Variants in LCLAT1 observed in about 807,000 individuals in gnomAD.
LCLAT1 encodes lysocardiolipin acyltransferase 1.
Under a neutral mutation model 30.7 loss-of-function variants are expected in LCLAT1, and 11 were observed. That is an observed-to-expected ratio of 0.36 (90% CI 0.23 to 0.59). LCLAT1 has a LOEUF of 0.59. LCLAT1 is among the 20% of genes least tolerant of loss of function. LCLAT1 has a pLI of 0.77. For missense variants in LCLAT1, 402 were observed against 458.6 expected, an observed-to-expected ratio of 0.88 and a Z score of 1.13; for synonymous variants, 155 against 151.3, an observed-to-expected ratio of 1.02 and a Z score of -0.18.
rs1364231473 is a variant in LCLAT1 at position 30,643,948 on chromosome 2, T to C, written c.*3329T>C. 1 of 152,628 alleles carries C rather than the reference T, an allele frequency of 6.6e-6. No individual in the cohort carries two copies. Among genetic ancestry groups the C allele is most frequent in the Non-Finnish European group, 1.5e-5 (1 of 68,040 alleles). The allele number at this position is 152,628 out of a possible 1,614,324, so 9.5% of individuals were successfully genotyped here. A position where few individuals can be genotyped will look rare whatever the true frequency, so the allele number is the denominator to read the frequency against. ...GCTGAGGTAGTGGTTGCCTTAGAGC[T>C]GTTATTTATGCTGTAGAAAACGAAA... is the stretch of plus-strand genomic sequence containing the variant. On this transcript the variant is annotated 3_prime_UTR_variant, in exon 6 of 6. Transcript: ENST00000379509.
At chr2:30,525,994 A>G (rs777623469) in intron 2 of LCLAT1, among the ~76,000 whole-genome samples, 6 of 152,196 alleles carry the variant, frequency 3.9e-5, no homozygotes, top group Non-Finnish European at 7.3e-5. Context: ...GGGAAAAAAA[A>G]TCTGTGCATC....
chr2:30,619,101 A>G (rs1463847075), intron 5 of LCLAT1, among the ~76,000 whole-genome samples: 2 of 152,206 alleles, frequency 1.3e-5, no homozygotes, highest in Non-Finnish European at 2.9e-5. Context: ...TTTCAAACAC[A>G]TCTTCCTACG....
chr2:30,596,260 A>T (rs559200332), intron 5 of LCLAT1, among the ~76,000 whole-genome samples: 3 of 152,186 alleles, frequency 2.0e-5, no homozygotes, highest in Non-Finnish European at 4.4e-5. Flanking sequence ...TCCCACCAAC[A>T]ATGTAAAAGC....
intron 5 of LCLAT1, among the ~76,000 whole-genome samples, chr2:30,582,292 A>G (rs970836911): frequency 6.6e-6 from 1 of 152,104 alleles, no homozygotes; most frequent in African/African-American, 2.4e-5. Flanking sequence ...ATATACTTCA[A>G]TCAAATTGTA....
intron 5 of LCLAT1, among the ~76,000 whole-genome samples, chr2:30,628,703 A>T (rs1668628767): frequency 6.6e-6 from 1 of 152,294 alleles, no homozygotes; most frequent in South Asian, 2.1e-4. Flanking sequence ...CCAACTTGGT[A>T]TTTCAGTACA....
chr2:30,568,596 C>T (rs1340096350), intron 5 of LCLAT1, among the ~76,000 whole-genome samples: 1 of 146,880 alleles, frequency 6.8e-6, no homozygotes, highest in Non-Finnish European at 1.5e-5. Flanking sequence ...CAAGCTCTGC[C>T]TCCCAGGTTC....
At chr2:30,468,221 G>A (rs1268920090) in intron 1 of LCLAT1, among the ~76,000 whole-genome samples, 1 of 152,162 alleles carries the variant, frequency 6.6e-6, no homozygotes, top group Non-Finnish European at 1.5e-5. Flanking sequence ...CCCATTTCTT[G>A]TTTTTGTTAG....
At chr2:30,518,778 C>G (rs990879118) in intron 1 of LCLAT1, among the ~76,000 whole-genome samples, 1 of 152,182 alleles carries the variant, frequency 6.6e-6, no homozygotes, top group Non-Finnish European at 1.5e-5. Context: ...TCCTGACTCT[C>G]AATTCTTGTT....
chr2:30,527,453 C>G (rs561613676), intron 2 of LCLAT1, among the ~76,000 whole-genome samples: 1 of 152,302 alleles, frequency 6.6e-6, no homozygotes, highest in South Asian at 2.1e-4. Flanking sequence ...TTTGTTGAAT[C>G]TTTCTGCCAA....
At chr2:30,522,599 A>G (rs1054488404) in intron 1 of LCLAT1, among the ~76,000 whole-genome samples, 16 of 152,238 alleles carry the variant, frequency 1.1e-4, no homozygotes, top group Non-Finnish European at 2.1e-4. Context: ...GATGACTAAC[A>G]TAGTGCCTGG....
chr2:30,621,328 G>A (rs1456689152), intron 5 of LCLAT1, among the ~76,000 whole-genome samples: 6 of 152,212 alleles, frequency 3.9e-5, no homozygotes, highest in South Asian at 2.1e-4. Flanking sequence ...CCCATGTGAC[G>A]TATTTATTAG....
chr2:30,634,853 G>A (rs1668948388), intron 5 of LCLAT1, among the ~76,000 whole-genome samples: 1 of 152,172 alleles, frequency 6.6e-6, no homozygotes, highest in Non-Finnish European at 1.5e-5. Flanking sequence ...TTTCATTATT[G>A]TCAGTTTCAT....
chr2:30,521,188 C>T (rs1477704162), intron 1 of LCLAT1, among the ~76,000 whole-genome samples: 3 of 152,198 alleles, frequency 2.0e-5, no homozygotes, highest in Non-Finnish European at 4.4e-5. Context: ...CAAGAAGTTA[C>T]CCTATAAGGT....
chr2:30,558,297 A>C (rs1334748631), intron 3 of LCLAT1, among the ~76,000 whole-genome samples: 1 of 152,096 alleles, frequency 6.6e-6, no homozygotes, highest in African/African-American at 2.4e-5. Flanking sequence ...GACTAATTTG[A>C]ATATGAAAAG....
At chr2:30,543,644 A>AT (rs1412693973) in intron 3 of LCLAT1, among the ~76,000 whole-genome samples, 1 of 151,882 alleles carries the variant, frequency 6.6e-6, no homozygotes, top group Non-Finnish European at 1.5e-5. Context: ...GTTTCTTGTA[A>AT]TTTTTCAAGA....
At chr2:30,615,732 A>G (rs2148510445) in intron 5 of LCLAT1, among the ~76,000 whole-genome samples, 1 of 152,322 alleles carries the variant, frequency 6.6e-6, no homozygotes, top group African/African-American at 2.4e-5. Context: ...AAGCCTTAGG[A>G]ACTGGGCATT....
chr2:30,590,149 A>G lies in LCLAT1; in HGVS notation c.628+21973A>G, dbSNP rs556256182. 1.4e-4 allele frequency among the ~76,000 whole-genome samples: 22 copies of G among 152,228 alleles called. No individual in the cohort carries two copies. In the South Asian group the frequency reaches 1.7e-3, roughly 11 times the overall value. ...GTTTTTTAGAATCTGTTATGTCCAT[A>G]AGAATTCTGGATCCTTCTGCTTAGG... On this transcript the variant is annotated intron_variant, in intron 5 of 5. Transcript: ENST00000379509.
At chr2:30,488,715 A>G (rs990646424) in intron 1 of LCLAT1, among the ~76,000 whole-genome samples, 3 of 152,168 alleles carry the variant, frequency 2.0e-5, no homozygotes, top group African/African-American at 2.4e-5. Flanking sequence ...TTCCCTAGAC[A>G]CTGAGAATTG....
At chr2:30,542,953 CTTTTT>C (rs34535640) in intron 3 of LCLAT1, among the ~76,000 whole-genome samples, 1 of 124,228 alleles carries the variant, frequency 8.0e-6, no homozygotes, top group Admixed American at 8.0e-5. Flanking sequence ...ACTTTTATGG[CTTTTT>C]TTTTTTTTTT....
Sources: gnomAD v4.1 joint callset for allele counts (sites outside exome capture counted in the v4.1 genomes callset) on GRCh38, gnomAD v4.1.1 for gene constraint, MANE v1.5 for transcripts, NCBI Gene and HGNC (gene_info 2026-07-23, HGNC 2026-07-21) for gene names.